Variants in CABLES1 observed in about 807,000 individuals in gnomAD.
CABLES1 encodes the protein Cdk5 and Abl enzyme substrate 1.
In CABLES1, 36 loss-of-function variants were observed where a neutral mutation model predicts 57.8. That is an observed-to-expected ratio of 0.62 (90% CI 0.48 to 0.82). The LOEUF (loss-of-function observed/expected upper bound fraction) is 0.82. Ranked by LOEUF, CABLES1 falls within the 40% of genes least tolerant of loss-of-function variation. The pLI is 0.00. For synonymous variants in CABLES1, 374 were observed against 363.0 expected, an observed-to-expected ratio of 1.03 and a Z score of -0.35; for missense variants, 767 against 836.6, an observed-to-expected ratio of 0.92 and a Z score of 1.03.
intron 3 of CABLES1, among the ~76,000 whole-genome samples, chr18:23,201,274 A>C (rs1351593979): frequency 6.6e-6 from 1 of 152,198 alleles, no homozygotes; most frequent in African/African-American, 2.4e-5. Context: ...GCCAATACAG[A>C]GGGAGCTAAT....
chr18:23,145,791 GT>G (rs1355923816), intron 1 of CABLES1, among the ~76,000 whole-genome samples: 1 of 152,186 alleles, frequency 6.6e-6, no homozygotes, highest in Non-Finnish European at 1.5e-5. Context: ...TGTTTTAGTA[GT>G]TTGGATGGCT....
chr18:23,180,909 C>T (rs543454636), intron 1 of CABLES1, among the ~76,000 whole-genome samples: 2 of 152,050 alleles, frequency 1.3e-5, no homozygotes, highest in African/African-American at 2.4e-5. Context: ...GATTCTGTAA[C>T]AAAAAAGGGA....
chr18:23,259,071 C>T lies in CABLES1; in HGVS notation c.*1704C>T, dbSNP rs1288820528. 6.6e-6 allele frequency: 1 copy of T among 151,692 alleles called. No homozygotes were observed. Among genetic ancestry groups the T allele is most frequent in the Non-Finnish European group, 1.5e-5 (1 of 67,974 alleles). The allele number at this position is 151,692 out of a possible 1,614,324, so 9.4% of individuals were successfully genotyped here. A position where few individuals can be genotyped will look rare whatever the true frequency, so the allele number is the denominator to read the frequency against. On this transcript the variant is annotated 3_prime_UTR_variant, in exon 10 of 10. Coordinates refer to ENST00000256925, the MANE Select transcript of CABLES1 (RefSeq NM_001100619.3). ...TGATCGAAAGCTAGATCAACTGGTACTTAGGGCACTTGCTGTTTATAAAGC... is the reference window on the plus strand; with the variant it reads ...TGATCGAAAGCTAGATCAACTGGTATTTAGGGCACTTGCTGTTTATAAAGC...
chr18:23,212,687 A>G (rs1223245527), intron 3 of CABLES1, among the ~76,000 whole-genome samples: 1 of 152,180 alleles, frequency 6.6e-6, no homozygotes, highest in Non-Finnish European at 1.5e-5. Context: ...CCTCTAGTAA[A>G]GGAGGGAGGC....
At chr18:23,137,098 T>C (rs1286138111) in intron 1 of CABLES1, among the ~76,000 whole-genome samples, 7 of 152,222 alleles carry the variant, frequency 4.6e-5, no homozygotes, top group African/African-American at 1.4e-4. Flanking sequence ...CCAAGTCTTC[T>C]TGCGGCCCGG....
intron 4 of CABLES1, among the ~76,000 whole-genome samples, chr18:23,223,127 G>A (rs1254455876): frequency 6.6e-6 from 1 of 152,198 alleles, no homozygotes; most frequent in Non-Finnish European, 1.5e-5. Context: ...CTCGAGCCCT[G>A]TTGGAATTCC....
chr18:23,210,586 G>T (rs940293655), intron 3 of CABLES1, among the ~76,000 whole-genome samples: 1 of 152,142 alleles, frequency 6.6e-6, no homozygotes, highest in African/African-American at 2.4e-5. Flanking sequence ...AACCCCACAG[G>T]TTCTAAACAT....
rs114360328 is a variant in CABLES1 at position 23,205,042 on chromosome 18, G to A, written c.1011-8935G>A. Among the ~76,000 whole-genome samples the A allele has an allele frequency of 2.7e-3, 404 of 152,236 alleles. 4 individuals carry two copies. The highest frequency in any genetic ancestry group is 9.4e-3 in the African/African-American group (390 of 41,522). ...ACATCAGTCCTTGGTCTGCACCATTGGTCTGCAACACATTGAGAAGAAAAC... is the reference window on the plus strand; with the variant it reads ...ACATCAGTCCTTGGTCTGCACCATTAGTCTGCAACACATTGAGAAGAAAAC... On this transcript the variant is annotated intron_variant, in intron 3 of 9. Transcript: ENST00000256925.
intron 1 of CABLES1, among the ~76,000 whole-genome samples, chr18:23,165,878 A>AGG (rs760634474): frequency 1.3e-5 from 2 of 152,160 alleles, no homozygotes; most frequent in Non-Finnish European, 2.9e-5. Flanking sequence ...TCTCTCATGT[A>AGG]GGGGTGAGTT....
chr18:23,229,515 A>G (rs1368336304), intron 4 of CABLES1, among the ~76,000 whole-genome samples: 1 of 152,248 alleles, frequency 6.6e-6, no homozygotes, highest in Non-Finnish European at 1.5e-5. Context: ...TTTGCTTTTA[A>G]TTACTTTCAG....
rs140707826 is a variant in CABLES1 at position 23,168,896 on chromosome 18, CCTT to C, written c.846-19938_846-19936del. On this transcript the variant is annotated intron_variant, in intron 1 of 9. Coordinates refer to ENST00000256925, the MANE Select transcript of CABLES1 (RefSeq NM_001100619.3). ...CAGAGGCATTTGAGCCAGAGCAGCT[CCTT>C]CTTAAATAGGAGCTGGGTAAAATGA... Among the ~76,000 whole-genome samples, 972 of 152,270 alleles carry C rather than the reference CCTT, an allele frequency of 6.4e-3. 10 individuals carry two copies. The highest frequency in any genetic ancestry group is 0.023 in the African/African-American group (940 of 41,550).
intron 2 of CABLES1, among the ~76,000 whole-genome samples, chr18:23,189,932 G>T (rs576059334): frequency 6.4e-4 from 97 of 152,346 alleles, no homozygotes; most frequent in African/African-American, 2.3e-3. Context: ...GAAGTGTCCG[G>T]CAACTGTGAA....
intron 2 of CABLES1, among the ~76,000 whole-genome samples, chr18:23,192,280 T>G (rs2047249855): frequency 6.6e-6 from 1 of 152,256 alleles, no homozygotes; most frequent in Non-Finnish European, 1.5e-5. Flanking sequence ...GCACCTGCCC[T>G]GGTTTTCCAG....
At chr18:23,218,709 G>T (rs529008978) in intron 4 of CABLES1, among the ~76,000 whole-genome samples, 1 of 152,328 alleles carries the variant, frequency 6.6e-6, no homozygotes, top group African/African-American at 2.4e-5. Context: ...TCCACATTTT[G>T]TTCTTGGCTT....
At chr18:23,191,867 A>AAG (rs2047245433) in intron 2 of CABLES1, among the ~76,000 whole-genome samples, 1 of 144,074 alleles carries the variant, frequency 6.9e-6, no homozygotes, top group Non-Finnish European at 1.5e-5. Context: ...AATTCTCTTA[A>AAG]AGCATTTCTT....
At chr18:23,201,926 A>G (rs1434259382) in intron 3 of CABLES1, among the ~76,000 whole-genome samples, 1 of 152,204 alleles carries the variant, frequency 6.6e-6, no homozygotes, top group Non-Finnish European at 1.5e-5. Flanking sequence ...CCCTGGGGCT[A>G]TCCCAGTGGG....
intron 9 of CABLES1, 70 bp from the exon 10 acceptor site, chr18:23,257,157 G>A: frequency 6.5e-7 from 1 of 1,548,886 alleles, no homozygotes; most frequent in African/African-American, 1.4e-5. Context: ...GGATAGAGAA[G>A]CTGCAATTGC....
At chr18:23,155,984 A>G in intron 1 of CABLES1, 5 of 1,613,806 alleles carry the variant, frequency 3.1e-6, no homozygotes, top group Non-Finnish European at 4.2e-6. Context: ...TGGGTGACCC[A>G]GAGAGCTGAG....
chr18:23,236,838 C>G (rs1373699380), intron 6 of CABLES1, among the ~76,000 whole-genome samples: 1 of 152,230 alleles, frequency 6.6e-6, no homozygotes, highest in Non-Finnish European at 1.5e-5. Flanking sequence ...AGAGTGTCTT[C>G]TGCATCTTGC....
Sources: allele counts gnomAD v4.1 joint callset (sites outside exome capture counted in the v4.1 genomes callset), GRCh38; gene constraint gnomAD v4.1.1; transcripts MANE v1.5; gene names NCBI Gene and HGNC (gene_info 2026-07-23, HGNC 2026-07-21).